DTHD1: variants seen among roughly 807,000 people sequenced by gnomAD.
DTHD1 encodes the protein death domain containing 1.
DTHD1 carries 59 observed loss-of-function variants against 74.8 expected under a neutral mutation model. The ratio of observed to expected loss-of-function variants is 0.79; its 90% CI spans 0.64 to 0.98. DTHD1 has a LOEUF of 0.98. Among genes scored for constraint, DTHD1 ranks in the 50% least tolerant of loss-of-function variants. The pLI is 0.00. For missense variants in DTHD1, 1,051 were observed against 1,065.4 expected, an observed-to-expected ratio of 0.99 and a Z score of 0.19; for synonymous variants, 365 against 371.1, an observed-to-expected ratio of 0.98 and a Z score of 0.19.
intron 3 of DTHD1, among the ~76,000 whole-genome samples, chr4:36,292,264 C>A (rs1046641118): frequency 5.3e-5 from 8 of 151,822 alleles, no homozygotes; most frequent in Admixed American, 1.3e-4. Context: ...CCACTTGTCA[C>A]AAAATGGGTT....
chr4:36,295,655 A>T (rs919540063), intron 5 of DTHD1, among the ~76,000 whole-genome samples: 3 of 152,124 alleles, frequency 2.0e-5, no homozygotes, highest in Admixed American at 1.3e-4. Flanking sequence ...TCATTTGAAT[A>T]ATGAGAATTA....
chr4:36,343,420 C>T, intron 9 of DTHD1, 82 bp from the exon 10 acceptor site: 1 of 1,316,994 alleles, frequency 7.6e-7, no homozygotes, highest in Non-Finnish European at 1.0e-6. Context: ...GGGAGACTTC[C>T]TATAAACAGG....
chr4:36,329,103 A>G (rs1319842391), intron 8 of DTHD1, among the ~76,000 whole-genome samples: 4 of 152,202 alleles, frequency 2.6e-5, no homozygotes, highest in African/African-American at 9.7e-5. Context: ...TGGGCAAGCC[A>G]GATCCTTGTT....
intron 3 of DTHD1, among the ~76,000 whole-genome samples, chr4:36,291,026 A>G (rs962918702): frequency 1.9e-4 from 29 of 152,226 alleles, no homozygotes; most frequent in African/African-American, 6.5e-4. Flanking sequence ...AATATGATGG[A>G]CCCTTGTCTA....
rs1469039041 is a variant in DTHD1, at chr4:36,347,438, A to C, written c.*3614A>C. 6.6e-6 allele frequency among the ~76,000 whole-genome samples: 1 copy of C among 152,162 alleles called. No homozygotes were observed. The highest frequency in any genetic ancestry group is 1.5e-5 in the Non-Finnish European group (1 of 68,012). Reference sequence around the variant, plus strand: ...AGTCCCAATATATACCTAAGAGCAAAGTGATAGTTTACCATAGTTCATTTA... The same window carrying C: ...AGTCCCAATATATACCTAAGAGCAACGTGATAGTTTACCATAGTTCATTTA... On this transcript the variant is annotated 3_prime_UTR_variant, in exon 10 of 10. Coordinates refer to ENST00000639862, the MANE Select transcript of DTHD1 (RefSeq NM_001170700.3).
In DTHD1 at chr4:36,294,965, C is replaced by T; in HGVS notation, c.1569C>T (p.Asn523=). 1 of 1,551,432 alleles carries T rather than the reference C, an allele frequency of 6.4e-7. No homozygotes were observed. The highest frequency in any genetic ancestry group is 8.7e-7 in the Non-Finnish European group (1 of 1,146,580). Residue 523 remains asparagine (N), a synonymous_variant, in exon 5 of 10, where the codon AAC becomes AAT. Transcript: ENST00000639862. ...LPCSPYLDKN[N]LGSEIDHKRR... ...GTTCTCCATACCTTGATAAAAACAA[C>T]CTTGGTTCTGAGATAGATCATAAAA...
chr4:36,305,260 A>G (rs146574613), intron 5 of DTHD1, among the ~76,000 whole-genome samples: 2 of 152,206 alleles, frequency 1.3e-5, no homozygotes, highest in African/African-American at 2.4e-5. Flanking sequence ...ACTGATAAAG[A>G]CATACCCAAG....
At chr4:36,318,770 A>T (rs1251772945) in intron 8 of DTHD1, among the ~76,000 whole-genome samples, 9 of 151,278 alleles carry the variant, frequency 5.9e-5, no homozygotes, top group Admixed American at 3.3e-4. Context: ...GCCCGCCACC[A>T]CGCCCAGCTA....
intron 7 of DTHD1, among the ~76,000 whole-genome samples, chr4:36,315,309 G>T (rs943681027): frequency 3.9e-5 from 6 of 152,136 alleles, no homozygotes; most frequent in Non-Finnish European, 8.8e-5. Context: ...CATTTTAGGA[G>T]AATCTGTCAG....
At chr4:36,331,163 T>C (rs2109556842) in intron 8 of DTHD1, among the ~76,000 whole-genome samples, 1 of 152,196 alleles carries the variant, frequency 6.6e-6, no homozygotes, top group African/African-American at 2.4e-5. Flanking sequence ...CAGGTAAAAG[T>C]GATAAGATTA....
chr4:36,342,469 G>A (rs937095548), intron 9 of DTHD1, among the ~76,000 whole-genome samples: 1 of 152,150 alleles, frequency 6.6e-6, no homozygotes, highest in Non-Finnish European at 1.5e-5. Context: ...GCTGGAATGT[G>A]AAAGGAGAGA....
At chr4:36,285,661 G>C (rs1265414970) in intron 2 of DTHD1, among the ~76,000 whole-genome samples, 1 of 122,270 alleles carries the variant, frequency 8.2e-6, no homozygotes. Flanking sequence ...AAAAATATGT[G>C]TTTTGGGCAT....
intron 8 of DTHD1, among the ~76,000 whole-genome samples, chr4:36,330,715 C>A (rs1758611881): frequency 6.6e-6 from 1 of 152,076 alleles, no homozygotes; most frequent in Admixed American, 6.5e-5. Context: ...GATAATAACA[C>A]CCCAGACCAT....
intron 5 of DTHD1, among the ~76,000 whole-genome samples, chr4:36,297,929 T>C: frequency 7.0e-6 from 1 of 142,904 alleles, no homozygotes; most frequent in Non-Finnish European, 1.6e-5. Flanking sequence ...TGTGTGTGTG[T>C]GTGTGCACGT....
chr4:36,304,611 A>G (rs1756944611), intron 5 of DTHD1, among the ~76,000 whole-genome samples: 3 of 152,148 alleles, frequency 2.0e-5, no homozygotes, highest in African/African-American at 7.2e-5. Context: ...TTCACATACC[A>G]TGGCTTTGTC....
intron 5 of DTHD1, among the ~76,000 whole-genome samples, chr4:36,305,552 T>C (rs1756993693): frequency 6.6e-6 from 1 of 152,192 alleles, no homozygotes; most frequent in Non-Finnish European, 1.5e-5. Flanking sequence ...TTATGGAAGC[T>C]ACAGTTCAAA....
chr4:36,286,787 T>G (rs1216313063), intron 2 of DTHD1, among the ~76,000 whole-genome samples: 1 of 152,198 alleles, frequency 6.6e-6, no homozygotes, highest in East Asian at 1.9e-4. Context: ...CGGAATACTT[T>G]AGGCAGCTAA....
chr4:36,343,595 G>A lies in DTHD1; in HGVS notation c.2492G>A (p.Ser831Asn), dbSNP rs1312363383. Reference protein sequence around the residue: ...SLSSTLPLRRSTIQLIKLKNP... With the variant: ...SLSSTLPLRRNTIQLIKLKNP... The stretch of plus-strand genomic sequence containing the variant: ...TCCTCAACTCTCCCTCTGCGCCGTA[G>A]CACCATTCAGCTCATCAAACTCAAG... Residue 831 changes from serine to asparagine, a missense_variant, in exon 10 of 10, where the codon AGC (serine) becomes AAC (asparagine). Coordinates refer to ENST00000639862, the MANE Select transcript of DTHD1 (RefSeq NM_001170700.3). 1.9e-6 allele frequency: 3 copies of A among 1,551,652 alleles called. No homozygotes were observed. Among genetic ancestry groups the A allele is most frequent in the Non-Finnish European group, 2.6e-6 (3 of 1,146,940 alleles).
At chr4:36,340,003 T>C (rs557716817) in intron 9 of DTHD1, among the ~76,000 whole-genome samples, 1 of 152,374 alleles carries the variant, frequency 6.6e-6, no homozygotes, top group South Asian at 2.1e-4. Flanking sequence ...AAGAATTTGA[T>C]GTCCAGATAA....
Sources: allele counts gnomAD v4.1 joint callset (sites outside exome capture counted in the v4.1 genomes callset), GRCh38; gene constraint gnomAD v4.1.1; transcripts MANE v1.5; gene names NCBI Gene and HGNC (gene_info 2026-07-23, HGNC 2026-07-21).